Variants in TMEM184C observed in about 807,000 individuals in gnomAD.
TMEM184C encodes the protein transmembrane protein 184C.
A neutral mutation model predicts 54.5 loss-of-function variants in TMEM184C; 25 were observed. That is an observed-to-expected ratio of 0.46 (90% CI 0.33 to 0.64). The LOEUF (loss-of-function observed/expected upper bound fraction) is 0.64, where lower values mean the gene tolerates loss of function less well. Among genes scored for constraint, TMEM184C ranks in the 30% least tolerant of loss-of-function variants. TMEM184C has a pLI of 0.02. For missense variants in TMEM184C, 335 were observed against 520.3 expected (o/e 0.64, Z 3.46); for synonymous variants, 148 against 181.5 (o/e 0.82, Z 1.49).
Position 147,634,455 on chromosome 4 carries a change from G to A in TMEM184C, c.*21G>A. 1.2e-6 allele frequency: 2 copies of A among 1,609,032 alleles called. No homozygotes were observed. The highest frequency in any genetic ancestry group is 1.3e-5 in the African/African-American group (1 of 74,836). On this transcript the variant is annotated 3_prime_UTR_variant, in exon 10 of 10. Coordinates refer to ENST00000296582, the MANE Select transcript of TMEM184C (RefSeq NM_018241.3). ...CCTGAACAGTATGGAAAAGCAAACT[G>A]TGCAACTACTACATTATATCATTAC...
At chr4:147,620,227 T>A (rs1732684335) in intron 1 of TMEM184C, among the ~76,000 whole-genome samples, 1 of 152,194 alleles carries the variant, frequency 6.6e-6, no homozygotes, top group South Asian at 2.1e-4. Flanking sequence ...ACTTTTTCCA[T>A]AGGACTTACC....
intron 1 of TMEM184C, among the ~76,000 whole-genome samples, chr4:147,620,177 T>G (rs978618910): frequency 9.2e-5 from 14 of 152,166 alleles, no homozygotes; most frequent in African/African-American, 3.4e-4. Flanking sequence ...CATTGTCAAC[T>G]TCCCCCCACC....
intron 4 of TMEM184C, among the ~76,000 whole-genome samples, chr4:147,625,920 A>C (rs1732807107): frequency 6.6e-6 from 1 of 152,146 alleles, no homozygotes; most frequent in African/African-American, 2.4e-5. Flanking sequence ...CGGGGAGCAG[A>C]GTTTTAAGGA....
chr4:147,628,160 C>G (rs912339057), intron 4 of TMEM184C, among the ~76,000 whole-genome samples: 3 of 152,138 alleles, frequency 2.0e-5, no homozygotes, highest in Non-Finnish European at 4.4e-5. Context: ...TCCTATATCT[C>G]AAAAAATAAA....
chr4:147,627,896 T>A (rs1429912857), intron 4 of TMEM184C, among the ~76,000 whole-genome samples: 1 of 149,960 alleles, frequency 6.7e-6, no homozygotes, highest in Non-Finnish European at 1.5e-5. Flanking sequence ...GGTGTGGTGG[T>A]ATGCAGATAC....
chr4:147,633,774 AT>A lies in TMEM184C; in HGVS notation c.890del (p.Ile297ThrfsTer51), dbSNP rs1560955565. On this transcript the variant is annotated frameshift_variant, in exon 9 of 10. Transcript: ENST00000296582. LOFTEE classifies it high-confidence loss of function. ...AVATGLQDFI[I>X]CIEMFLAAIA... ...ATTGTTGTTCTCATAGGATTTTATT[AT>A]CTGTATTGAGATGTTCCTCGCTGCC... 13 of 1,574,740 alleles carry A rather than the reference AT, an allele frequency of 8.3e-6. No individual in the cohort carries two copies. Among genetic ancestry groups the A allele is most frequent in the Non-Finnish European group, 1.1e-5 (13 of 1,158,866 alleles).
In TMEM184C at chr4:147,631,471, C is replaced by G; in HGVS notation, c.745C>G (p.Leu249Val). ...CCCAATCCAACCTGTTGGCAAATTT[C>G]TTTGTGTAAAGCTGGTGGTTTTTGT... ...LSPIQPVGKFLCVKLVVFVSF... is the reference protein window; with the variant it reads ...LSPIQPVGKFVCVKLVVFVSF... The change falls in exon 7 of 10, where the codon CTT becomes GTT. Residue 249 changes from leucine (L) to valine (V), a missense_variant. Transcript: ENST00000296582. 6.2e-7 allele frequency: 1 copy of G among 1,607,296 alleles called. No individual in the cohort carries two copies. The highest frequency in any genetic ancestry group is 2.2e-5 in the East Asian group (1 of 44,612).
chr4:147,634,000 G>A, intron 9 of TMEM184C, 64 bp downstream of exon 9: 1 of 1,550,994 alleles, frequency 6.4e-7, no homozygotes, highest in Non-Finnish European at 8.7e-7. Context: ...CTCCTACTAG[G>A]GCAATTTATT....
Position 147,633,948 on chromosome 4 carries a change from C to T in TMEM184C, c.1051+12C>T, listed in dbSNP as rs376572943. 8.1e-5 allele frequency: 130 copies of T among 1,603,224 alleles called. No homozygotes were observed. The highest frequency in any genetic ancestry group is 1.1e-4 in the Non-Finnish European group (126 of 1,175,250). Reference sequence around the variant, plus strand: ...AGTAAGGCATGTTGGTAAGTACCAGCTATTTAATTCAACCAAATAGGTTGG... The same window carrying T: ...AGTAAGGCATGTTGGTAAGTACCAGTTATTTAATTCAACCAAATAGGTTGG... On this transcript the variant is annotated intron_variant, in intron 9 of 9. Coordinates refer to ENST00000296582, the MANE Select transcript of TMEM184C (RefSeq NM_018241.3).
intron 8 of TMEM184C, among the ~76,000 whole-genome samples, chr4:147,633,303 A>C (rs188228621): frequency 4.6e-5 from 7 of 151,946 alleles, no homozygotes; most frequent in Admixed American, 3.9e-4. Context: ...TTGCTAAGAA[A>C]TACTTGAGGC....
In TMEM184C at chr4:147,617,734, T is replaced by C. The variant is rs1196081588; in HGVS notation, c.-223T>C. ...GGGGTGGAGAAGAAAGGATGTTGCC[T>C]GCACTGCTCGCCAATAGCACCCTGA... On this transcript the variant is annotated 5_prime_UTR_variant, in exon 1 of 10. Transcript: ENST00000296582. The C allele has an allele frequency of 5.6e-6, 3 of 532,712 alleles. No individual in the cohort carries two copies. Among genetic ancestry groups the C allele is most frequent in the Non-Finnish European group, 1.0e-5 (3 of 293,844 alleles). 33.0% of individuals were successfully genotyped at this position (532,712 alleles called of 1,614,324 possible).
chr4:147,633,650 G>C, intron 8 of TMEM184C, 115 bp from the exon 9 acceptor site: 3 of 891,850 alleles, frequency 3.4e-6, no homozygotes, highest in Non-Finnish European at 4.6e-6. Flanking sequence ...AATCTGAGAA[G>C]AAAAAACACA....
chr4:147,625,043 G>T (rs1262016742), intron 4 of TMEM184C, 34 bp downstream of exon 4: 6 of 1,608,340 alleles, frequency 3.7e-6, no homozygotes, highest in South Asian at 1.1e-5. Context: ...TTTATGTTTT[G>T]GTTTTTCATT....
chr4:147,631,537 T>G (rs375472055), intron 7 of TMEM184C, 32 bp downstream of exon 7: 2 of 1,524,914 alleles, frequency 1.3e-6, no homozygotes, highest in African/African-American at 2.8e-5. Context: ...ATGTTCTCAT[T>G]TTTTTAAGGG....
rs148397882 is a variant in TMEM184C, at chr4:147,624,643, AGATT to A, written c.292-157_292-154del. On this transcript the variant is annotated intron_variant, in intron 3 of 9. Coordinates refer to ENST00000296582, the MANE Select transcript of TMEM184C (RefSeq NM_018241.3). Reference sequence around the variant, plus strand: ...TATTGCTTTTAAGCATTCATTTCACAGATTGATAGCCCTCATAATGATAAATTTT... The same window carrying A: ...TATTGCTTTTAAGCATTCATTTCACAGATAGCCCTCATAATGATAAATTTT... 1.2e-4 allele frequency among the ~76,000 whole-genome samples: 18 copies of A among 152,324 alleles called. No individual in the cohort carries two copies. The East Asian group carries it at 3.5e-3, about 29-fold the overall frequency.
At chr4:147,627,155 G>A (rs1732829578) in intron 4 of TMEM184C, among the ~76,000 whole-genome samples, 1 of 152,336 alleles carries the variant, frequency 6.6e-6, no homozygotes, top group East Asian at 1.9e-4. Context: ...ACAAGGACAA[G>A]GCCCAAGGAT....
intron 1 of TMEM184C, among the ~76,000 whole-genome samples, chr4:147,622,773 T>G (rs916979119): frequency 6.6e-5 from 10 of 152,200 alleles, no homozygotes; most frequent in Non-Finnish European, 1.5e-4. Context: ...GGTTTGTTTT[T>G]GTTTTTGAGA....
chr4:147,627,538 G>A (rs1446722061), intron 4 of TMEM184C, among the ~76,000 whole-genome samples: 4 of 152,178 alleles, frequency 2.6e-5, no homozygotes, highest in South Asian at 2.1e-4. Context: ...CCACAGTGCT[G>A]GGATTACAGG....
Position 147,634,201 on chromosome 4 carries a change from T to A in TMEM184C, c.1084T>A (p.Leu362Met), listed in dbSNP as rs549244997. The change falls in exon 10 of 10, where the codon TTG becomes ATG. Residue 362 changes from leucine (L) to methionine (M), a missense_variant. Leu to Met is a conservative substitution (Grantham distance 15). Coordinates refer to ENST00000296582, the MANE Select transcript of TMEM184C (RefSeq NM_018241.3). The part of the protein sequence containing the change: ...RTVRGHPRKK[L>M]FPEDQDQNEH... ...AGTCAGGGGACATCCCAGGAAAAAATTGTTTCCCGAGGATCAAGATCAAAA... is the reference window on the plus strand; with the variant it reads ...AGTCAGGGGACATCCCAGGAAAAAAATGTTTCCCGAGGATCAAGATCAAAA... 2 of 1,613,728 alleles carry A rather than the reference T, an allele frequency of 1.2e-6. No individual in the cohort carries two copies. Among genetic ancestry groups the A allele is most frequent in the South Asian group, 1.1e-5 (1 of 91,038 alleles).
Sources: gnomAD v4.1 joint callset for allele counts (sites outside exome capture counted in the v4.1 genomes callset) on GRCh38, gnomAD v4.1.1 for gene constraint, MANE v1.5 for transcripts, NCBI Gene and HGNC (gene_info 2026-07-23, HGNC 2026-07-21) for gene names.